GXYLT2: variants seen among roughly 807,000 people sequenced by gnomAD.
GXYLT2 encodes the protein glucoside xylosyltransferase 2.
GXYLT2 carries 53 observed loss-of-function variants against 45.8 expected under a neutral mutation model. The ratio of observed to expected loss-of-function variants is 1.16; its 90% CI spans 0.93 to 1.46. The LOEUF is 1.46. Among genes scored for constraint, GXYLT2 ranks in the 40% most tolerant of loss-of-function variants. The pLI is 0.00. For missense variants in GXYLT2, 551 were observed against 544.4 expected (o/e 1.01, Z -0.12); for synonymous variants, 219 against 214.2 (o/e 1.02, Z -0.19).
At chr3:72,892,160 A>T (rs1168733411) in intron 1 of GXYLT2, among the ~76,000 whole-genome samples, 1 of 152,222 alleles carries the variant, frequency 6.6e-6, no homozygotes, top group African/African-American at 2.4e-5. Flanking sequence ...GTTGTCTAAG[A>T]TATCTTCCAG....
chr3:72,935,830 G>C (rs950904416), intron 3 of GXYLT2, among the ~76,000 whole-genome samples: 4 of 152,186 alleles, frequency 2.6e-5, no homozygotes, highest in African/African-American at 9.7e-5. Context: ...TACCTCCTGT[G>C]AGTCTTCTGT....
intron 2 of GXYLT2, among the ~76,000 whole-genome samples, chr3:72,912,773 C>A (rs1363219183): frequency 6.6e-6 from 1 of 152,200 alleles, no homozygotes; most frequent in East Asian, 1.9e-4. Context: ...AGGCCCCAGA[C>A]ACTGTGGAGC....
At chr3:72,909,304 A>C (rs1044272284) in intron 2 of GXYLT2, among the ~76,000 whole-genome samples, 1 of 151,272 alleles carries the variant, frequency 6.6e-6, no homozygotes, top group African/African-American at 2.4e-5. Flanking sequence ...TTCTGACCTC[A>C]AATGATCCAC....
chr3:72,904,857 C>T (rs1175338716), intron 1 of GXYLT2, among the ~76,000 whole-genome samples: 16 of 144,858 alleles, frequency 1.1e-4, no homozygotes, highest in Admixed American at 4.3e-4. Flanking sequence ...CCTGGCAAAA[C>T]CCCATCTCTA....
chr3:72,955,219 C>T lies in GXYLT2; in HGVS notation c.722C>T (p.Ala241Val). The change falls in exon 4 of 7, where the codon GCC becomes GTC. Residue 241 changes from alanine to valine, a missense_variant. Coordinates refer to ENST00000389617, the MANE Select transcript of GXYLT2 (RefSeq NM_001080393.2). ...LFNSTQLAAM[A>V]PEHEIPKIGW... ...AATTCCACCCAGCTTGCAGCCATGGCCCCTGAGCACGAAATCCCCAAGATT... is the reference window on the plus strand; with the variant it reads ...AATTCCACCCAGCTTGCAGCCATGGTCCCTGAGCACGAAATCCCCAAGATT... 3 of 1,614,014 alleles carry T rather than the reference C, an allele frequency of 1.9e-6. No homozygotes were observed. The highest frequency in any genetic ancestry group is 1.3e-5 in the African/African-American group (1 of 75,042).
intron 3 of GXYLT2, among the ~76,000 whole-genome samples, chr3:72,950,354 C>G (rs1007816247): frequency 6.6e-6 from 1 of 151,972 alleles, no homozygotes; most frequent in Admixed American, 6.6e-5. Context: ...CCAGCTACTC[C>G]AGACGTTGAG....
intron 5 of GXYLT2, among the ~76,000 whole-genome samples, chr3:72,960,641 A>G (rs1363690363): frequency 6.6e-6 from 1 of 152,222 alleles, no homozygotes; most frequent in Admixed American, 6.5e-5. Context: ...TGTCCTTCGT[A>G]CAGCCTGCAT....
chr3:72,925,527 C>T (rs1280915149), intron 3 of GXYLT2, among the ~76,000 whole-genome samples: 3 of 152,070 alleles, frequency 2.0e-5, no homozygotes, highest in Non-Finnish European at 4.4e-5. Context: ...GAAAAGACTC[C>T]CTCCAATTGA....
intron 3 of GXYLT2, among the ~76,000 whole-genome samples, chr3:72,933,571 T>A (rs1710085576): frequency 6.6e-6 from 1 of 152,170 alleles, no homozygotes; most frequent in Non-Finnish European, 1.5e-5. Context: ...ATGAACGTGA[T>A]CATAATTGAT....
At chr3:72,964,702 C>G (rs1710832773) in intron 5 of GXYLT2, among the ~76,000 whole-genome samples, 2 of 152,214 alleles carry the variant, frequency 1.3e-5, no homozygotes. Context: ...TCCATGAAAG[C>G]AGGGACTGGA....
chr3:72,955,233 A>T lies in GXYLT2; in HGVS notation c.736A>T (p.Ile246Phe). Residue 246 changes from isoleucine (I) to phenylalanine (F), a missense_variant, in exon 4 of 7, where the codon ATC becomes TTC. By Grantham distance (21) the Ile-to-Phe change is conservative (BLOSUM62 0). Transcript: ENST00000389617. ...QLAAMAPEHE[I>F]PKIGWYSRFA... ...TGCAGCCATGGCCCCTGAGCACGAAATCCCCAAGATTGGCTGGTACAGCCG... is the reference window on the plus strand; with the variant it reads ...TGCAGCCATGGCCCCTGAGCACGAATTCCCCAAGATTGGCTGGTACAGCCG... 1 of 1,614,008 alleles carries T rather than the reference A, an allele frequency of 6.2e-7. No individual in the cohort carries two copies. Among genetic ancestry groups the T allele is most frequent in the Non-Finnish European group, 8.5e-7 (1 of 1,179,900 alleles).
intron 2 of GXYLT2, among the ~76,000 whole-genome samples, chr3:72,921,900 C>CCT (rs1709839200): frequency 6.6e-6 from 1 of 152,144 alleles, no homozygotes; most frequent in Admixed American, 6.6e-5. Context: ...TGTCCTTGTA[C>CCT]CTCTGTCTTT....
chr3:72,916,451 G>T (rs955019992), intron 2 of GXYLT2, among the ~76,000 whole-genome samples: 1 of 151,878 alleles, frequency 6.6e-6, no homozygotes, highest in Admixed American at 6.6e-5. Flanking sequence ...ACCTCTCAAA[G>T]TGTTGAGTTT....
intron 2 of GXYLT2, among the ~76,000 whole-genome samples, chr3:72,915,356 C>CGT (rs1709718657): frequency 5.7e-5 from 1 of 17,454 alleles, no homozygotes; most frequent in African/African-American, 2.0e-4. Context: ...TTTTTTTTTG[C>CGT]GGGGGGGGGG....
chr3:72,909,870 G>A (rs1395047168), intron 2 of GXYLT2, among the ~76,000 whole-genome samples: 2 of 152,140 alleles, frequency 1.3e-5, no homozygotes, highest in Non-Finnish European at 2.9e-5. Context: ...CACCAGGCTA[G>A]CTGGACTAAT....
chr3:72,921,047 C>T (rs1709824957), intron 2 of GXYLT2, among the ~76,000 whole-genome samples: 3 of 152,034 alleles, frequency 2.0e-5, no homozygotes, highest in African/African-American at 4.8e-5. Flanking sequence ...TCTCAAACTC[C>T]TGACCTCAAG....
intron 2 of GXYLT2, among the ~76,000 whole-genome samples, chr3:72,911,558 C>T (rs1183822731): frequency 6.6e-6 from 1 of 152,106 alleles, no homozygotes; most frequent in African/African-American, 2.4e-5. Context: ...GCTACCATGT[C>T]AGAGTAGCCC....
chr3:72,907,064 C>A (rs1709525689), intron 1 of GXYLT2, among the ~76,000 whole-genome samples: 1 of 152,062 alleles, frequency 6.6e-6, no homozygotes, highest in Non-Finnish European at 1.5e-5. Flanking sequence ...TCTCAGTGAT[C>A]CAAGGGAAGG....
intron 2 of GXYLT2, among the ~76,000 whole-genome samples, chr3:72,909,796 T>C (rs546761493): frequency 1.3e-5 from 2 of 152,306 alleles, no homozygotes; most frequent in South Asian, 4.1e-4. Context: ...TCTCAAATGG[T>C]GGCAGAGCGA....
Sources: allele counts gnomAD v4.1 joint callset (sites outside exome capture counted in the v4.1 genomes callset), GRCh38; gene constraint gnomAD v4.1.1; transcripts MANE v1.5; gene names NCBI Gene and HGNC (gene_info 2026-07-23, HGNC 2026-07-21).